Variants in AMD1 observed in about 807,000 individuals in gnomAD.
The protein encoded by AMD1 is S-adenosylmethionine decarboxylase proenzyme.
In AMD1, 11 loss-of-function variants were observed where a neutral mutation model predicts 40.2. That is an observed-to-expected ratio of 0.27 (90% confidence interval 0.17 to 0.45). The LOEUF (loss-of-function observed/expected upper bound fraction) is 0.45. AMD1 is among the 20% of genes least tolerant of loss of function. The pLI is 1.00. For missense variants in AMD1, 257 were observed against 410.2 expected, an observed-to-expected ratio of 0.63 and a Z score of 3.23; for synonymous variants, 121 against 130.8, an observed-to-expected ratio of 0.93 and a Z score of 0.51.
chr6:110,833,812 G>T, the AMD1 span, among the ~76,000 whole-genome samples: 1 of 151,950 alleles, frequency 6.6e-6, no homozygotes, highest in African/African-American at 2.4e-5. Context: ...TCAGGAGTTC[G>T]AGACCAGCCT....
chr6:110,888,801 G>A, intron 2 of AMD1, 56 bp from the exon 3 acceptor site: 2 of 1,518,250 alleles, frequency 1.3e-6, no homozygotes, highest in East Asian at 4.7e-5. Flanking sequence ...TTGGTTGATT[G>A]CACCCTCAGT....
At chr6:110,889,100 C>A in intron 3 of AMD1, 117 bp downstream of exon 3, 2 of 1,255,612 alleles carry the variant, frequency 1.6e-6, no homozygotes, top group Non-Finnish European at 2.2e-6. Flanking sequence ...CATGCAAACA[C>A]GTGGTAAGGT....
the AMD1 span, among the ~76,000 whole-genome samples, chr6:110,862,926 GTTTGTTTGTTTTTGTTTGTT>G: frequency 1.3e-5 from 2 of 151,314 alleles, no homozygotes; most frequent in African/African-American, 4.9e-5. Context: ...TCAGTTTTTT[GTTTGTTTGTTTTTGTTTGTT>G]TTTGTTTGTT....
the AMD1 span, among the ~76,000 whole-genome samples, chr6:110,867,935 A>G: frequency 6.6e-6 from 1 of 152,134 alleles, no homozygotes. Context: ...ATGGTCAACC[A>G]CATTGCTTAT....
At chr6:110,881,717 C>T (rs987985985) in intron 1 of AMD1, among the ~76,000 whole-genome samples, 5 of 151,654 alleles carry the variant, frequency 3.3e-5, no homozygotes, top group South Asian at 2.1e-4. Context: ...CCCAACTACT[C>T]GGGAGGCTGG....
chr6:110,878,431 C>G (rs1343416064), intron 1 of AMD1, among the ~76,000 whole-genome samples: 1 of 152,032 alleles, frequency 6.6e-6, no homozygotes, highest in African/African-American at 2.4e-5. Flanking sequence ...CTTAAGTGAA[C>G]AAATTATGTA....
the AMD1 span, among the ~76,000 whole-genome samples, chr6:110,841,375 T>G: frequency 6.6e-6 from 1 of 152,370 alleles, no homozygotes; most frequent in South Asian, 2.1e-4. Context: ...AGCTGTTAGA[T>G]ATAAGGGAAT....
chr6:110,861,261 G>GTCA, the AMD1 span, among the ~76,000 whole-genome samples: 1 of 151,956 alleles, frequency 6.6e-6, no homozygotes, highest in East Asian at 1.9e-4. Context: ...GGGAGGCTGA[G>GTCA]GCAGGAGAAT....
intron 1 of AMD1, among the ~76,000 whole-genome samples, chr6:110,885,648 A>G (rs1785640630): frequency 6.6e-6 from 1 of 152,180 alleles, no homozygotes; most frequent in South Asian, 2.1e-4. Flanking sequence ...TATTCTTTCC[A>G]TATATGAACA....
At chr6:110,859,085 C>T in the AMD1 span, 4 of 1,280,162 alleles carry the variant, frequency 3.1e-6, no homozygotes, top group East Asian at 2.3e-5. Context: ...CTCCCTCGGG[C>T]GCGCAGGCTC....
At chr6:110,852,412 G>C in the AMD1 span, among the ~76,000 whole-genome samples, 1 of 151,702 alleles carries the variant, frequency 6.6e-6, no homozygotes, top group Non-Finnish European at 1.5e-5. Context: ...AGTAGATACA[G>C]GGTTTCACCT....
chr6:110,879,242 T>C (rs1054929806), intron 1 of AMD1, among the ~76,000 whole-genome samples: 1 of 152,134 alleles, frequency 6.6e-6, no homozygotes, highest in Non-Finnish European at 1.5e-5. Flanking sequence ...TCCCAGCCAC[T>C]CGGGAAGCTG....
chr6:110,817,508 C>T, the AMD1 span, among the ~76,000 whole-genome samples: 2 of 152,074 alleles, frequency 1.3e-5, no homozygotes, highest in Non-Finnish European at 2.9e-5. Context: ...ACTCGGGAGG[C>T]TGAGGCAGGA....
the AMD1 span, among the ~76,000 whole-genome samples, chr6:110,854,673 C>T: frequency 6.6e-6 from 1 of 152,108 alleles, no homozygotes; most frequent in African/African-American, 2.4e-5. Context: ...GTCTTGAACT[C>T]CTGACCTCAG....
Position 110,893,713 on chromosome 6 carries a change from C to T in AMD1, c.*97C>T. On this transcript the variant is annotated 3_prime_UTR_variant, in exon 9 of 9. Coordinates refer to ENST00000368885, the MANE Select transcript of AMD1 (RefSeq NM_001634.6). The stretch of plus-strand genomic sequence containing the variant: ...TGCTGGGGGCAGTGCTTTCCATAAC[C>T]ACCACTGTGTAGTTGCAGAAAGCCC... The T allele has an allele frequency of 7.3e-7, 1 of 1,367,842 alleles. No homozygotes were observed. The highest frequency in any genetic ancestry group is 1.3e-5 in the South Asian group (1 of 77,042). 84.7% of individuals were successfully genotyped at this position (1,367,842 alleles called of 1,614,324 possible). A position where few individuals can be genotyped will look rare whatever the true frequency, so the allele number is the denominator to read the frequency against.
the AMD1 span, among the ~76,000 whole-genome samples, chr6:110,833,945 G>A: frequency 3.3e-5 from 5 of 152,260 alleles, no homozygotes; most frequent in South Asian, 6.2e-4. Context: ...TCAGTATTTC[G>A]TGTATGAGGA....
At chr6:110,856,055 G>A in the AMD1 span, among the ~76,000 whole-genome samples, 1 of 152,042 alleles carries the variant, frequency 6.6e-6, no homozygotes, top group African/African-American at 2.4e-5. Context: ...ACTCCAGCCT[G>A]GGCAACAGAG....
the AMD1 span, chr6:110,859,264 T>A: frequency 2.5e-6 from 1 of 395,160 alleles, no homozygotes. Context: ...CCAGGGTCTG[T>A]GAGTGGCGGT....
chr6:110,856,721 C>A, the AMD1 span, among the ~76,000 whole-genome samples: 1 of 152,164 alleles, frequency 6.6e-6, no homozygotes, highest in Non-Finnish European at 1.5e-5. Context: ...CTGAAATGGA[C>A]TTTCTAAGTT....
Sources: gnomAD v4.1 joint callset for allele counts (sites outside exome capture counted in the v4.1 genomes callset) on GRCh38, gnomAD v4.1.1 for gene constraint, MANE v1.5 for transcripts, NCBI Gene and HGNC (gene_info 2026-07-23, HGNC 2026-07-21) for gene names.